Variants in SIRPG observed in about 807,000 individuals in gnomAD.
SIRPG encodes signal-regulatory protein gamma.
A neutral mutation model predicts 35.7 loss-of-function variants in SIRPG; 38 were observed. The ratio of observed to expected loss-of-function variants is 1.06; its 90% CI spans 0.82 to 1.40. The LOEUF is 1.40. Among genes scored for constraint, SIRPG ranks in the 40% most tolerant of loss-of-function variants. The pLI, the probability that SIRPG is intolerant of heterozygous loss-of-function variation, is 0.00. For missense variants in SIRPG, 519 were observed against 483.0 expected, an observed-to-expected ratio of 1.07 and a Z score of -0.70; for synonymous variants, 215 against 190.4, an observed-to-expected ratio of 1.13 and a Z score of -1.06.
At chr20:1,681,451 A>G in the SIRPG span, among the ~76,000 whole-genome samples, 3 of 152,156 alleles carry the variant, frequency 2.0e-5, 1 homozygote, top group East Asian at 5.8e-4. Flanking sequence ...GGGGGTGATA[A>G]GAATCTCTAC....
At chr20:1,680,461 T>C in the SIRPG span, among the ~76,000 whole-genome samples, 1 of 152,228 alleles carries the variant, frequency 6.6e-6, no homozygotes, top group South Asian at 2.1e-4. Flanking sequence ...AAGCTTCCAC[T>C]AGAACACAAA....
At chr20:1,667,832 A>G in the SIRPG span, among the ~76,000 whole-genome samples, 4 of 152,344 alleles carry the variant, frequency 2.6e-5, no homozygotes, top group East Asian at 7.7e-4. Context: ...AGGTAAAGTC[A>G]AAATGCACAG....
At chr20:1,658,850 A>T (rs1600231164), upstream of SIRPG, among the ~76,000 whole-genome samples, 1 of 152,092 alleles carries the variant, frequency 6.6e-6, no homozygotes, top group South Asian at 2.1e-4. Context: ...CCTGAGACCC[A>T]GCTTATATAG....
chr20:1,643,017 T>G (rs540164987), intron 2 of SIRPG, among the ~76,000 whole-genome samples: 1 of 152,298 alleles, frequency 6.6e-6, no homozygotes, highest in East Asian at 1.9e-4. Context: ...TCCTTCATTT[T>G]GACCTTGGAG....
At chr20:1,630,469 CAGA>C in intron 4 of SIRPG, 163 bp from the exon 5 acceptor site, 3 of 591,820 alleles carry the variant, frequency 5.1e-6, no homozygotes, top group Non-Finnish European at 8.9e-6. Flanking sequence ...GCAGAAGCCA[CAGA>C]AAGAGGCTCC....
chr20:1,647,226 T>A (rs1041553628), intron 2 of SIRPG: 5 of 152,830 alleles, frequency 3.3e-5, no homozygotes, highest in African/African-American at 1.2e-4. Context: ...CAACTGCCAC[T>A]CCCTGGCCCC....
chr20:1,668,265 CT>C, the SIRPG span, among the ~76,000 whole-genome samples: 3 of 78,886 alleles, frequency 3.8e-5, no homozygotes, highest in Non-Finnish European at 8.2e-5. Context: ...TTTTCTTTTT[CT>C]TTTCTTTCTT....
At chr20:1,668,181 TTC>T in the SIRPG span, among the ~76,000 whole-genome samples, 12 of 112,196 alleles carry the variant, frequency 1.1e-4, no homozygotes, top group South Asian at 2.5e-4. Context: ...TTTTCTTTCT[TTC>T]TTTCTTTTTC....
chr20:1,663,357 AT>A, the SIRPG span, among the ~76,000 whole-genome samples: 1 of 152,182 alleles, frequency 6.6e-6, no homozygotes, highest in Non-Finnish European at 1.5e-5. Context: ...GAAAACTGCA[AT>A]CCAGTAGAGA....
chr20:1,648,983 G>C (rs976930981), intron 2 of SIRPG, 69 bp downstream of exon 2: 133 of 1,347,140 alleles, frequency 9.9e-5, no homozygotes, highest in Non-Finnish European at 1.3e-4. Flanking sequence ...GTTGCTCAAA[G>C]AATGGAAGGT....
At chr20:1,681,188 G>A in the SIRPG span, among the ~76,000 whole-genome samples, 2 of 152,156 alleles carry the variant, frequency 1.3e-5, no homozygotes, top group Non-Finnish European at 2.9e-5. Context: ...AAGCAGAAGA[G>A]CCCAGGAGAA....
rs141069773 is a variant in SIRPG at position 1,631,772 on chromosome 20, G to A, written c.1082-1466C>T. Among the ~76,000 whole-genome samples, 706 of 152,318 alleles carry A rather than the reference G, an allele frequency of 4.6e-3. 3 individuals carry two copies. Among genetic ancestry groups the A allele is most frequent in the African/African-American group, 0.016 (664 of 41,566 alleles). ...TTCACTGGCAGTAAGCTGGGATGGCGTAACCACAGGCAGGAAATTCCTTGG... is the reference window on the plus strand; with the variant it reads ...TTCACTGGCAGTAAGCTGGGATGGCATAACCACAGGCAGGAAATTCCTTGG... On this transcript the variant is annotated intron_variant, in intron 4 of 5. Transcript: ENST00000303415.
chr20:1,667,063 A>G, the SIRPG span, among the ~76,000 whole-genome samples: 2 of 152,082 alleles, frequency 1.3e-5, no homozygotes, highest in South Asian at 2.1e-4. Flanking sequence ...CACGTAGTCA[A>G]TTTTTAATTT....
chr20:1,679,526 G>A, the SIRPG span, among the ~76,000 whole-genome samples: 1 of 151,940 alleles, frequency 6.6e-6, no homozygotes, highest in South Asian at 2.1e-4. Flanking sequence ...AATCTGTCTT[G>A]CTTCCCCATC....
the SIRPG span, among the ~76,000 whole-genome samples, chr20:1,671,774 G>A: frequency 1.3e-5 from 2 of 152,346 alleles, no homozygotes; most frequent in East Asian, 1.9e-4. Flanking sequence ...GGATGGGTCT[G>A]GCTAGTTATC....
the SIRPG span, among the ~76,000 whole-genome samples, chr20:1,672,155 A>G: frequency 6.6e-6 from 1 of 152,216 alleles, no homozygotes; most frequent in African/African-American, 2.4e-5. Flanking sequence ...TCTGTAAAAT[A>G]GGACAGCATT....
At chr20:1,663,788 A>G in the SIRPG span, among the ~76,000 whole-genome samples, 1 of 152,276 alleles carries the variant, frequency 6.6e-6, no homozygotes, top group South Asian at 2.1e-4. Context: ...GGAAAGTTGC[A>G]GATTGTCAGA....
the SIRPG span, among the ~76,000 whole-genome samples, chr20:1,666,209 TA>T: frequency 1.3e-5 from 2 of 152,096 alleles, no homozygotes; most frequent in African/African-American, 4.8e-5. Flanking sequence ...TGTACAGCTA[TA>T]AAATGTGTTT....
In SIRPG at chr20:1,636,226, G is replaced by A; in HGVS notation, c.710C>T (p.Pro237Leu). 1.9e-6 allele frequency: 3 copies of A among 1,614,192 alleles called. No homozygotes were observed. Among genetic ancestry groups the A allele is most frequent in the Non-Finnish European group, 2.5e-6 (3 of 1,180,008 alleles). ...EVAHVTLQGD[P>L]LRGTANLSEA... The stretch of plus-strand genomic sequence containing the variant: ...AGACAAGTTGGCAGTCCCACGAAGA[G>A]GGTCCCCCTGCAAGGTGACATGGGC... Residue 237 changes from proline to leucine, a missense_variant, in exon 3 of 6, where the codon CCT becomes CTT. Pro to Leu is a moderately conservative substitution (Grantham distance 98). Transcript: ENST00000303415.
Sources: gnomAD v4.1 joint callset for allele counts (sites outside exome capture counted in the v4.1 genomes callset) on GRCh38, gnomAD v4.1.1 for gene constraint, MANE v1.5 for transcripts, NCBI Gene and HGNC (gene_info 2026-07-23, HGNC 2026-07-21) for gene names.